Variants in EDARADD observed in about 807,000 individuals in gnomAD.
EDARADD encodes the protein ectodysplasin-A receptor-associated adapter protein.
Under a neutral mutation model 25.6 loss-of-function variants are expected in EDARADD, and 20 were observed. The ratio of observed to expected loss-of-function variants is 0.78; its 90% confidence interval spans 0.55 to 1.14. The LOEUF is 1.14. Ranked by LOEUF, EDARADD falls within the 50% of genes most tolerant of loss-of-function variation. EDARADD has a pLI of 0.00. For synonymous variants in EDARADD, 86 were observed against 94.4 expected (o/e 0.91, Z 0.52); for missense variants, 225 against 270.1 (o/e 0.83, Z 1.17).
Position 236,395,572 on chromosome 1 carries a change from C to T in EDARADD, c.61+1067C>T. On this transcript the variant is annotated intron_variant, in intron 1 of 5. Coordinates refer to ENST00000334232, the MANE Select transcript of EDARADD (RefSeq NM_145861.4). This position sits in a 1 kb window ranked among gnomAD's most constrained non-coding sequence, Gnocchi z 6.9. ...CATCCCCGTGGTCCCACGGTCCTCC[C>T]GCGCCCCGGAGGCCTGCCAGCCCCG... 6.5e-7 allele frequency: 1 copy of T among 1,544,088 alleles called. No individual in the cohort carries two copies.
intron 4 of EDARADD, among the ~76,000 whole-genome samples, chr1:236,459,765 G>A (rs530925075): frequency 1.8e-4 from 27 of 151,494 alleles, no homozygotes; most frequent in Admixed American, 7.2e-4. Context: ...GGCTCCCACC[G>A]CCACACCCAG....
intron 5 of EDARADD, among the ~76,000 whole-genome samples, chr1:236,480,550 C>T (rs546378209): frequency 5.9e-5 from 9 of 152,160 alleles, no homozygotes; most frequent in East Asian, 1.9e-4. Flanking sequence ...GTTACTCCGT[C>T]GGTCCAAATT....
At chr1:236,413,596 C>G (rs528055050) in intron 2 of EDARADD, among the ~76,000 whole-genome samples, 1 of 152,226 alleles carries the variant, frequency 6.6e-6, no homozygotes, top group Non-Finnish European at 1.5e-5. Context: ...GAAATGGCTA[C>G]ATTGTTTAGT....
intron 3 of EDARADD, among the ~76,000 whole-genome samples, chr1:236,426,399 G>A (rs1423829709): frequency 2.6e-5 from 4 of 152,154 alleles, no homozygotes; most frequent in Non-Finnish European, 5.9e-5. Flanking sequence ...TCACATATAT[G>A]CACAGCCCAG....
chr1:236,447,777 T>G (rs1446429057), intron 4 of EDARADD, among the ~76,000 whole-genome samples: 1 of 152,172 alleles, frequency 6.6e-6, no homozygotes, highest in Non-Finnish European at 1.5e-5. Context: ...ATCTATGATC[T>G]GCTTAAACCA....
At chr1:236,412,376 A>G (rs138593572) in intron 2 of EDARADD, among the ~76,000 whole-genome samples, 211 of 152,140 alleles carry the variant, frequency 1.4e-3, no homozygotes, top group African/African-American at 4.8e-3. Context: ...TGCTTGTCTG[A>G]CTTCTTGCAA....
In EDARADD at chr1:236,482,942, G is replaced by T; in HGVS notation, c.*293G>T. On this transcript the variant is annotated 3_prime_UTR_variant, in exon 6 of 6. Coordinates refer to ENST00000334232, the MANE Select transcript of EDARADD (RefSeq NM_145861.4). ...AATCGGAATGGATTCATGCCACGTT[G>T]AAGATAAAATTATCCTCTCTCTGAA... The T allele has an allele frequency of 1.7e-6, 1 of 604,386 alleles. No individual in the cohort carries two copies. The allele number at this position is 604,386 out of a possible 1,614,324, so 37.4% of individuals were successfully genotyped here. A position where few individuals can be genotyped will look rare whatever the true frequency, so the allele number is the denominator to read the frequency against.
Position 236,483,007 on chromosome 1 carries a change from G to A in EDARADD, c.*358G>A, listed in dbSNP as rs761943296. On this transcript the variant is annotated 3_prime_UTR_variant, in exon 6 of 6. Coordinates refer to ENST00000334232, the MANE Select transcript of EDARADD (RefSeq NM_145861.4). ...TAAATAGGTCCTGAGACTGTTGATAGCCCCAGACATACCCACAGCATTATA... is the reference window on the plus strand; with the variant it reads ...TAAATAGGTCCTGAGACTGTTGATAACCCCAGACATACCCACAGCATTATA... 34 of 619,390 alleles carry A rather than the reference G, an allele frequency of 5.5e-5. No homozygotes were observed. The highest frequency in any genetic ancestry group is 9.3e-5 in the Non-Finnish European group (33 of 354,046). 38.4% of individuals were successfully genotyped at this position (619,390 alleles called of 1,614,324 possible).
chr1:236,474,954 G>A (rs564217030), intron 5 of EDARADD, among the ~76,000 whole-genome samples: 31 of 152,210 alleles, frequency 2.0e-4, no homozygotes, highest in South Asian at 6.2e-4. Flanking sequence ...CTAACATGGT[G>A]AAACCTCGTC....
upstream of EDARADD, among the ~76,000 whole-genome samples, chr1:236,390,959 A>ATTATTATTATTT (rs771278248): frequency 1.5e-4 from 22 of 150,926 alleles, no homozygotes; most frequent in East Asian, 1.4e-3. Flanking sequence ...TATTATTATT[A>ATTATTATTATTT]TTTTTTGAGA....
chr1:236,408,213 AT>A (rs1025613643), intron 1 of EDARADD, among the ~76,000 whole-genome samples: 2 of 151,248 alleles, frequency 1.3e-5, no homozygotes, highest in Non-Finnish European at 2.9e-5. Context: ...TAATTAATTT[AT>A]TTTTTTGAGA....
In EDARADD at chr1:236,468,299, A is replaced by C. The variant is rs201611000; in HGVS notation, c.265+23A>C. 24 of 1,611,146 alleles carry C rather than the reference A, an allele frequency of 1.5e-5. No individual in the cohort carries two copies. The South Asian group carries it at 2.6e-4, about 18-fold the overall frequency. ...CAGGTAAATGATTGATTCTAAAGCT[A>C]TCTGGGCTAATAGCTAGTGTGGCTG... is the stretch of plus-strand genomic sequence containing the variant. On this transcript the variant is annotated intron_variant, in intron 5 of 5. Coordinates refer to ENST00000334232, the MANE Select transcript of EDARADD (RefSeq NM_145861.4).
chr1:236,386,971 G>A (rs1667362997), intron 3 of EDARADD, among the ~76,000 whole-genome samples: 3 of 71,848 alleles, frequency 4.2e-5, no homozygotes, highest in Non-Finnish European at 6.3e-5. Flanking sequence ...GAGGTGAGGG[G>A]CGCCTCTGCC....
intron 3 of EDARADD, among the ~76,000 whole-genome samples, chr1:236,363,771 T>C (rs1667081679): frequency 6.6e-6 from 1 of 152,052 alleles, no homozygotes; most frequent in Non-Finnish European, 1.5e-5. Context: ...TCTGCCACGG[T>C]TGTTTCCTGA....
At chr1:236,363,000 AAAAAAAATAT>A (rs1220083941) in intron 3 of EDARADD, among the ~76,000 whole-genome samples, 2 of 57,294 alleles carry the variant, frequency 3.5e-5, no homozygotes, top group East Asian at 1.6e-3. Flanking sequence ...AAAAAAAAAA[AAAAAAAATAT>A]ATATATATAT....
rs200100313 is a variant in EDARADD, at chr1:236,395,648, C to T, written c.61+1143C>T. ...CGCCGCCATGGCTTCACCGGACGAC[C>T]CTCTGCGCGCAGGTAAAGGGACACA... On this transcript the variant is annotated intron_variant, in intron 1 of 5. Transcript: ENST00000334232. The surrounding 1 kb of genome is among the most constrained non-coding windows in gnomAD (Gnocchi z 6.9). 2.2e-5 allele frequency: 35 copies of T among 1,576,192 alleles called. No homozygotes were observed. Among genetic ancestry groups the T allele is most frequent in the Middle Eastern group, 1.8e-4 (1 of 5,700 alleles).
intron 4 of EDARADD, among the ~76,000 whole-genome samples, chr1:236,467,746 G>T (rs1659252472): frequency 6.6e-6 from 1 of 151,902 alleles, no homozygotes; most frequent in South Asian, 2.1e-4. Flanking sequence ...ATAGCACATT[G>T]TTGCATGCAT....
chr1:236,407,250 G>T (rs1388556132), intron 1 of EDARADD, among the ~76,000 whole-genome samples: 1 of 152,194 alleles, frequency 6.6e-6, no homozygotes, highest in South Asian at 2.1e-4. Flanking sequence ...CTGGTGCTGG[G>T]CCGCGGTCCC....
chr1:236,361,055 C>T (rs781590740), intron 3 of EDARADD, among the ~76,000 whole-genome samples: 2 of 152,134 alleles, frequency 1.3e-5, no homozygotes, highest in Non-Finnish European at 2.9e-5. Flanking sequence ...CAAAAACAAA[C>T]GAACCTGCTG....
Sources: allele counts gnomAD v4.1 joint callset (sites outside exome capture counted in the v4.1 genomes callset), GRCh38; gene constraint gnomAD v4.1.1; non-coding constraint Gnocchi (gnomAD v3.1); transcripts MANE v1.5; gene names NCBI Gene and HGNC (gene_info 2026-07-23, HGNC 2026-07-21).